Variants in ZPBP observed in about 807,000 individuals in gnomAD.
ZPBP encodes zona pellucida binding protein, also known as zona pellucida-binding protein 1.
In ZPBP, 26 loss-of-function variants were observed where a neutral mutation model predicts 44.8. The observed-to-expected ratio is 0.58, with a 90% CI of 0.43 to 0.81. The LOEUF is 0.81. Ranked by LOEUF, ZPBP falls within the 30% of genes least tolerant of loss-of-function variation. ZPBP has a pLI of 0.00. For missense variants in ZPBP, 409 were observed against 434.0 expected (o/e 0.94, Z 0.51); for synonymous variants, 174 against 153.2 (o/e 1.14, Z -1.00).
chr7:49,940,519 C>T (rs1794828598), intron 7 of ZPBP, among the ~76,000 whole-genome samples: 1 of 151,832 alleles, frequency 6.6e-6, no homozygotes, highest in South Asian at 2.1e-4. Context: ...GATGCAAGAA[C>T]TTCCAGTGAA....
intron 4 of ZPBP, among the ~76,000 whole-genome samples, chr7:50,054,618 T>C (rs1243145634): frequency 1.3e-5 from 2 of 152,132 alleles, no homozygotes; most frequent in Non-Finnish European, 2.9e-5. Context: ...TAGAAAATTA[T>C]AAGTTGATTT....
At chr7:49,934,138 C>T (rs931365915), downstream of ZPBP, among the ~76,000 whole-genome samples, 21 of 151,896 alleles carry the variant, frequency 1.4e-4, no homozygotes, top group Admixed American at 7.2e-4. Context: ...ATCATCAATG[C>T]CCCAGTTCTT....
At chr7:50,042,422 G>C (rs1484501769) in intron 4 of ZPBP, among the ~76,000 whole-genome samples, 1 of 152,162 alleles carries the variant, frequency 6.6e-6, no homozygotes, top group African/African-American at 2.4e-5. Context: ...AGGGCAGCCA[G>C]ATCAGGTTAC....
At chr7:49,979,662 A>G (rs1796689022) in intron 7 of ZPBP, among the ~76,000 whole-genome samples, 1 of 150,964 alleles carries the variant, frequency 6.6e-6, no homozygotes, top group East Asian at 1.9e-4. Context: ...GACAATTTCA[A>G]AATACTTATA....
At chr7:50,027,157 A>G (rs1045063974) in intron 5 of ZPBP, among the ~76,000 whole-genome samples, 5 of 152,004 alleles carry the variant, frequency 3.3e-5, no homozygotes, top group African/African-American at 1.2e-4. Flanking sequence ...TCCCTTTGGA[A>G]GAGAGAGTGC....
At position 49,893,649 on chromosome 7, in the gene ZPBP, T is replaced by A. The variant is rs79859617; in HGVS notation, n.509+7469A>T. On this transcript the variant is annotated intron_variant and non_coding_transcript_variant, in intron 2 of 2. Coordinates refer to the ZPBP transcript ENST00000465922. ...TTAGGAAACCAGTTTTTTTTTTTTT[T>A]ATCCTTTTGAGACCAGTACCCTGTG... Among the ~76,000 whole-genome samples the A allele has an allele frequency of 6.5e-3, 968 of 149,586 alleles. 8 individuals are homozygous for A. Among genetic ancestry groups the A allele is most frequent in the East Asian group, 0.016 (81 of 5,088 alleles).
downstream of ZPBP, among the ~76,000 whole-genome samples, chr7:49,935,195 A>G (rs904416981): frequency 3.3e-5 from 5 of 152,294 alleles, no homozygotes; most frequent in Admixed American, 6.5e-5. Flanking sequence ...ATTATTAAGG[A>G]TATAACTGTG....
At chr7:49,850,086 G>T (rs1022677495), downstream of ZPBP, among the ~76,000 whole-genome samples, 2 of 152,174 alleles carry the variant, frequency 1.3e-5, no homozygotes, top group African/African-American at 2.4e-5. Flanking sequence ...ACAACATGTT[G>T]CTGTAGAAAA....
At chr7:50,040,728 G>T (rs1800042813) in intron 4 of ZPBP, among the ~76,000 whole-genome samples, 1 of 152,174 alleles carries the variant, frequency 6.6e-6, no homozygotes, top group Admixed American at 6.5e-5. Flanking sequence ...AAACTTGGCG[G>T]CCATTTGGGC....
intron 2 of ZPBP, among the ~76,000 whole-genome samples, chr7:49,882,155 C>T (rs1791693775): frequency 6.6e-6 from 1 of 151,962 alleles, no homozygotes; most frequent in African/African-American, 2.4e-5. Context: ...GTGATATAAT[C>T]AATATTTGTT....
chr7:49,963,007 A>G (rs1795916840), intron 7 of ZPBP, among the ~76,000 whole-genome samples: 1 of 151,664 alleles, frequency 6.6e-6, no homozygotes, highest in South Asian at 2.1e-4. Context: ...AAAAAATCTT[A>G]TAAGGAAATA....
intron 6 of ZPBP, among the ~76,000 whole-genome samples, chr7:49,984,537 G>T (rs1268327997): frequency 4.6e-5 from 7 of 152,122 alleles, no homozygotes; most frequent in Admixed American, 3.9e-4. Context: ...AGATAATCAG[G>T]CATTAAGATT....
rs562618170 is a variant in ZPBP, at chr7:49,884,961, A to G, written n.509+16157T>C. On this transcript the variant is annotated intron_variant and non_coding_transcript_variant, in intron 2 of 2. Transcript: ENST00000465922. ...ATAATAGTTTCTAACAAGTCAAATAAAAAGATGAAAAGTATCAAATTTTTG... is the reference window on the plus strand; with the variant it reads ...ATAATAGTTTCTAACAAGTCAAATAGAAAGATGAAAAGTATCAAATTTTTG... Among the ~76,000 whole-genome samples, 238 of 152,260 alleles carry G rather than the reference A, an allele frequency of 1.6e-3. 1 individual carries two copies. The highest frequency in any genetic ancestry group is 4.7e-3 in the African/African-American group (197 of 41,576).
chr7:50,040,080 C>A (rs901580896), intron 4 of ZPBP, among the ~76,000 whole-genome samples: 1 of 152,056 alleles, frequency 6.6e-6, no homozygotes, highest in African/African-American at 2.4e-5. Context: ...GAAGAACACA[C>A]ATGAAGAATA....
At chr7:50,028,915 T>C (rs1799462361) in intron 5 of ZPBP, among the ~76,000 whole-genome samples, 1 of 152,118 alleles carries the variant, frequency 6.6e-6, no homozygotes, top group Admixed American at 6.6e-5. Context: ...GGCAATAATA[T>C]CCAAAGCTAT....
intron 4 of ZPBP, among the ~76,000 whole-genome samples, chr7:50,040,605 G>A (rs1800032140): frequency 1.3e-5 from 2 of 152,172 alleles, no homozygotes; most frequent in African/African-American, 2.4e-5. Context: ...ATGAGGGACT[G>A]TGCCATGAGG....
chr7:49,846,612 A>G (rs1373480853), downstream of ZPBP, among the ~76,000 whole-genome samples: 3 of 151,922 alleles, frequency 2.0e-5, no homozygotes, highest in Non-Finnish European at 4.4e-5. Flanking sequence ...TCCTTATTAC[A>G]CTGTTATTAT....
At chr7:50,022,478 A>G (rs1799145114) in intron 5 of ZPBP, among the ~76,000 whole-genome samples, 1 of 152,082 alleles carries the variant, frequency 6.6e-6, no homozygotes, top group Non-Finnish European at 1.5e-5. Flanking sequence ...TGAAATTCTA[A>G]TTATAGTTCT....
At chr7:49,869,486 C>A (rs1791044054) in intron 2 of ZPBP, among the ~76,000 whole-genome samples, 1 of 152,118 alleles carries the variant, frequency 6.6e-6, no homozygotes, top group South Asian at 2.1e-4. Flanking sequence ...TTGTATATTA[C>A]AAAAGTAGGT....
Sources: allele counts gnomAD v4.1 joint callset (sites outside exome capture counted in the v4.1 genomes callset), GRCh38; gene constraint gnomAD v4.1.1; transcripts MANE v1.5; gene names NCBI Gene and HGNC (gene_info 2026-07-23, HGNC 2026-07-21).